SNX6: variants seen among roughly 807,000 people sequenced by gnomAD.
The protein encoded by SNX6 is sorting nexin 6.
Under a neutral mutation model 63.0 loss-of-function variants are expected in SNX6, and 34 were observed. The ratio of observed to expected loss-of-function variants is 0.54; its 90% confidence interval spans 0.41 to 0.72. The LOEUF is 0.72. Among genes scored for constraint, SNX6 ranks in the 30% least tolerant of loss-of-function variants. The probability of loss-of-function intolerance (pLI) is 0.00; values close to 1 mark genes in which losing one functional copy is unlikely to be tolerated. For missense variants in SNX6, 398 were observed against 471.4 expected (o/e 0.84, Z 1.44); for synonymous variants, 170 against 164.2 (o/e 1.04, Z -0.27).
chr14:34,577,469 A>G (rs1013693892), intron 10 of SNX6, among the ~76,000 whole-genome samples: 10 of 152,258 alleles, frequency 6.6e-5, no homozygotes, highest in South Asian at 4.1e-4. Flanking sequence ...AGGTAATTCA[A>G]TCTAATCCTC....
chr14:34,591,236 A>AAG (rs1210804705), intron 8 of SNX6, among the ~76,000 whole-genome samples: 4 of 151,724 alleles, frequency 2.6e-5, no homozygotes, highest in South Asian at 4.2e-4. Flanking sequence ...CTGTTAAAAA[A>AAG]AAAACCCTCA....
Position 34,567,872 on chromosome 14 carries a change from A to T in SNX6, c.1063T>A (p.Ser355Thr). ...QLCCQKFEKI[S>T]ESAKQELIDF... Reference sequence around the variant, plus strand: ...ACAGTACCTTGTTTTGCAGACTCAGATATTTTTTCAAATTTCTGACAACAT... The same window carrying T: ...ACAGTACCTTGTTTTGCAGACTCAGTTATTTTTTCAAATTTCTGACAACAT... The change falls in exon 12 of 14, where the codon TCT (serine) becomes ACT (threonine). Residue 355 changes from serine (S) to threonine (T), a missense_variant. Coordinates refer to ENST00000362031, the MANE Select transcript of SNX6 (RefSeq NM_152233.4). 1 of 1,614,056 alleles carries T rather than the reference A, an allele frequency of 6.2e-7. No homozygotes were observed. The highest frequency in any genetic ancestry group is 2.2e-5 in the East Asian group (1 of 44,866).
In SNX6 at chr14:34,630,113, T is replaced by C. The variant is rs1251011147; in HGVS notation, c.4A>G (p.Met2Val). Residue 2 changes from methionine to valine, a missense_variant and splice_region_variant, in exon 1 of 14, where the codon ATG becomes GTG. Transcript: ENST00000362031. ...TCGGCGCCGCGGAGAACACCCACCA[T>C]CATGGCTGCTCCGAGGCGAGGGCCG... M[M>V]EGLDDGPDFL... is the part of the protein sequence containing the mutation. 1.8e-5 allele frequency: 25 copies of C among 1,378,526 alleles called. No homozygotes were observed. The highest frequency in any genetic ancestry group is 2.3e-5 in the Non-Finnish European group (25 of 1,072,972). 85.4% of individuals were successfully genotyped at this position (1,378,526 alleles called of 1,614,324 possible).
chr14:34,582,288 T>C (rs1881972743), intron 9 of SNX6, among the ~76,000 whole-genome samples: 1 of 151,674 alleles, frequency 6.6e-6, no homozygotes, highest in African/African-American at 2.4e-5. Context: ...GCTGCCCCCA[T>C]GCCTGGCTAA....
intron 6 of SNX6, among the ~76,000 whole-genome samples, chr14:34,602,892 C>CA (rs1457199795): frequency 1.3e-5 from 2 of 150,476 alleles, no homozygotes. Context: ...AGGAGAATGG[C>CA]ATGAACCCGG....
At chr14:34,582,365 C>T (rs1881976193) in intron 9 of SNX6, among the ~76,000 whole-genome samples, 3 of 151,936 alleles carry the variant, frequency 2.0e-5, no homozygotes, top group Admixed American at 2.0e-4. Flanking sequence ...GTGGTGCACA[C>T]CTGTAGTCCC....
chr14:34,592,932 CA>C lies in SNX6; in HGVS notation c.718+112del, dbSNP rs1882454724. The stretch of plus-strand genomic sequence containing the variant: ...TAAAAGGGCCATGGAGCCTAGGCTC[CA>C]ACAGACCAGTTTGAGAACTACTGCT... On this transcript the variant is annotated intron_variant, in intron 8 of 13. Transcript: ENST00000362031. The C allele has an allele frequency of 9.3e-6, 7 of 755,716 alleles. No homozygotes were observed. In the South Asian group the frequency reaches 1.2e-4, roughly 13 times the overall value. The allele number at this position is 755,716 out of a possible 1,614,324, so 46.8% of individuals were successfully genotyped here. A position where few individuals can be genotyped will look rare whatever the true frequency, so the allele number is the denominator to read the frequency against.
chr14:34,616,606 C>T (rs919484830), intron 2 of SNX6, among the ~76,000 whole-genome samples: 6 of 152,150 alleles, frequency 3.9e-5, no homozygotes, highest in African/African-American at 1.4e-4. Flanking sequence ...GATCCACCTC[C>T]TGACCCCGTT....
intron 2 of SNX6, among the ~76,000 whole-genome samples, chr14:34,612,678 C>T (rs920536553): frequency 6.6e-6 from 1 of 151,762 alleles, no homozygotes; most frequent in South Asian, 2.1e-4. Flanking sequence ...AGGTGATCCA[C>T]CTGCCTCAGC....
intron 1 of SNX6, 49 bp downstream of exon 1, chr14:34,630,062 C>A (rs776508893): frequency 3.4e-6 from 5 of 1,458,962 alleles, no homozygotes; most frequent in Non-Finnish European, 4.5e-6. Flanking sequence ...GCCCCGCGCC[C>A]GCTGCCCCCA....
At chr14:34,624,819 C>T (rs1297889644) in intron 2 of SNX6, among the ~76,000 whole-genome samples, 4 of 151,944 alleles carry the variant, frequency 2.6e-5, no homozygotes, top group Non-Finnish European at 4.4e-5. Flanking sequence ...ATTTTTTTTG[C>T]TTACTTGCTG....
intron 5 of SNX6, among the ~76,000 whole-genome samples, chr14:34,604,536 G>A (rs1042384844): frequency 6.6e-6 from 1 of 152,014 alleles, no homozygotes; most frequent in Non-Finnish European, 1.5e-5. Context: ...ATGCATGAAG[G>A]GGAGAAATGA....
At chr14:34,591,779 T>C (rs181519115) in intron 8 of SNX6, among the ~76,000 whole-genome samples, 2 of 152,342 alleles carry the variant, frequency 1.3e-5, no homozygotes, top group African/African-American at 4.8e-5. Flanking sequence ...TGATGGATTT[T>C]TGGCCAGGTT....
chr14:34,583,733 C>T (rs982640379), intron 9 of SNX6, among the ~76,000 whole-genome samples: 5 of 152,152 alleles, frequency 3.3e-5, no homozygotes, highest in African/African-American at 4.8e-5. Context: ...AACAATTTTA[C>T]GAACTTTGCT....
intron 11 of SNX6, among the ~76,000 whole-genome samples, chr14:34,572,323 C>T (rs1186666702): frequency 6.6e-6 from 1 of 152,090 alleles, no homozygotes; most frequent in East Asian, 1.9e-4. Context: ...CCTTGGGAGG[C>T]CGAGGCGGGT....
At position 34,585,099 on chromosome 14, in the gene SNX6, G is replaced by A. The variant is rs147051658; in HGVS notation, c.794+1131C>T. Among the ~76,000 whole-genome samples, 1,293 of 152,192 alleles carry A rather than the reference G, an allele frequency of 8.5e-3. 17 individuals are homozygous for A. Among genetic ancestry groups the A allele is most frequent in the African/African-American group, 0.03 (1,235 of 41,536 alleles). On this transcript the variant is annotated intron_variant, in intron 9 of 13. Coordinates refer to ENST00000362031, the MANE Select transcript of SNX6 (RefSeq NM_152233.4). Reference sequence around the variant, plus strand: ...ACTCCCGACCTGAGGTGTTCTGCCCGCCTCGGCCTCTCAAAGTGCTGAGAT... The same window carrying A: ...ACTCCCGACCTGAGGTGTTCTGCCCACCTCGGCCTCTCAAAGTGCTGAGAT...
At chr14:34,565,748 G>A (rs1241243429) in intron 13 of SNX6, among the ~76,000 whole-genome samples, 1 of 150,296 alleles carries the variant, frequency 6.7e-6, no homozygotes, top group Non-Finnish European at 1.5e-5. Flanking sequence ...GGAGTGCAGT[G>A]ACGCAATCTT....
At chr14:34,574,748 G>A (rs1881617108) in intron 11 of SNX6, among the ~76,000 whole-genome samples, 1 of 151,952 alleles carries the variant, frequency 6.6e-6, no homozygotes, top group Admixed American at 6.6e-5. Context: ...GACGGAGTTG[G>A]GGTTTCTCCA....
At chr14:34,602,380 T>C (rs767504334) in intron 6 of SNX6, among the ~76,000 whole-genome samples, 28 of 150,510 alleles carry the variant, frequency 1.9e-4, no homozygotes, top group Non-Finnish European at 3.7e-4. Context: ...TGAGCTGAGA[T>C]CGCACCGTTG....
Sources: gnomAD v4.1 joint callset for allele counts (sites outside exome capture counted in the v4.1 genomes callset) on GRCh38, gnomAD v4.1.1 for gene constraint, MANE v1.5 for transcripts, NCBI Gene and HGNC (gene_info 2026-07-23, HGNC 2026-07-21) for gene names.